TYR: variants seen among roughly 807,000 people sequenced by gnomAD.
TYR encodes tyrosinase, also known as LB24-AB.
Under a neutral mutation model 51.5 loss-of-function variants are expected in TYR, and 58 were observed. The observed-to-expected ratio is 1.13, with a 90% CI of 0.91 to 1.40. The LOEUF is 1.40. TYR is among the 40% of genes most tolerant of loss of function. The pLI, the probability that TYR is intolerant of heterozygous loss-of-function variation, is 0.00. For synonymous variants in TYR, 263 were observed against 235.2 expected, an observed-to-expected ratio of 1.12 and a Z score of -1.08; for missense variants, 732 against 647.4, an observed-to-expected ratio of 1.13 and a Z score of -1.42.
intron 3 of TYR, among the ~76,000 whole-genome samples, chr11:89,238,538 G>A (rs999099376): frequency 6.6e-6 from 1 of 152,044 alleles, no homozygotes; most frequent in South Asian, 2.1e-4. Context: ...TGCAAACCGG[G>A]ACCATTTAAT....
At chr11:89,287,815 A>G (rs1490311265) in intron 4 of TYR, among the ~76,000 whole-genome samples, 1 of 151,988 alleles carries the variant, frequency 6.6e-6, no homozygotes, top group Non-Finnish European at 1.5e-5. Context: ...TGAAAATGCT[A>G]TTATAAGAGT....
chr11:89,184,119 C>T (rs1236578051), intron 1 of TYR, among the ~76,000 whole-genome samples: 1 of 152,040 alleles, frequency 6.6e-6, no homozygotes, highest in Non-Finnish European at 1.5e-5. Flanking sequence ...CTCCTGTATG[C>T]AGTGTAAAGA....
chr11:89,243,005 G>A (rs1197425194), intron 3 of TYR, among the ~76,000 whole-genome samples: 1 of 152,168 alleles, frequency 6.6e-6, no homozygotes, highest in African/African-American at 2.4e-5. Context: ...CGTGTTGGAA[G>A]TATTTTAAAT....
chr11:89,180,696 C>G (rs1565387706), intron 1 of TYR, among the ~76,000 whole-genome samples: 1 of 152,058 alleles, frequency 6.6e-6, no homozygotes, highest in Non-Finnish European at 1.5e-5. Context: ...AGGAAGATGA[C>G]TGAAGAGAAA....
intron 3 of TYR, among the ~76,000 whole-genome samples, chr11:89,245,768 A>G (rs2135295052): frequency 6.6e-6 from 1 of 152,056 alleles, no homozygotes; most frequent in South Asian, 2.1e-4. Flanking sequence ...TAAAAATACA[A>G]AAAATTAGCT....
Position 89,202,431 on chromosome 11 carries a change from G to A in TYR, c.1036+11013G>A, listed in dbSNP as rs1943608861. On this transcript the variant is annotated intron_variant, in intron 2 of 4. Transcript: ENST00000263321. ...AAAATGAAGCAGTTTTTTTTTTATA[G>A]TAAATAGTAGGTCATTGTGTTTCCC... Among the ~76,000 whole-genome samples the A allele has an allele frequency of 2.0e-5, 3 of 151,872 alleles. No individual in the cohort carries two copies. In the South Asian group the frequency reaches 6.2e-4, roughly 32 times the overall value.
intron 3 of TYR, among the ~76,000 whole-genome samples, chr11:89,260,984 T>C (rs1373598556): frequency 6.6e-6 from 1 of 152,082 alleles, no homozygotes; most frequent in Non-Finnish European, 1.5e-5. Flanking sequence ...ACATTCCTTA[T>C]GAGAATCTAA....
At chr11:89,270,783 T>C (rs1366923172) in intron 3 of TYR, among the ~76,000 whole-genome samples, 3 of 151,936 alleles carry the variant, frequency 2.0e-5, no homozygotes, top group African/African-American at 4.8e-5. Context: ...ATTTTATATA[T>C]GATTTATGAG....
chr11:89,193,870 T>TTC lies in TYR; in HGVS notation c.1036+2467_1036+2468dup, dbSNP rs10547762. 6.6e-5 allele frequency among the ~76,000 whole-genome samples: 10 copies of TTC among 151,542 alleles called. No homozygotes were observed. In the South Asian group the frequency reaches 1.0e-3, roughly 16 times the overall value. On this transcript the variant is annotated intron_variant, in intron 2 of 4. Transcript: ENST00000263321. ...CAAACTTACTTACATTGTATCCTGT[T>TTC]TCTCTCTCTCTCTCTCCCAGTCTGA...
chr11:89,281,017 G>A (rs1378619215), intron 3 of TYR, among the ~76,000 whole-genome samples: 2 of 151,654 alleles, frequency 1.3e-5, no homozygotes, highest in South Asian at 2.1e-4. Context: ...GAGATTTGTT[G>A]GATGCTGGTA....
At chr11:89,281,001 A>G (rs1355776352) in intron 3 of TYR, among the ~76,000 whole-genome samples, 4 of 151,706 alleles carry the variant, frequency 2.6e-5, no homozygotes, top group Non-Finnish European at 5.9e-5. Context: ...CACTGTTGTT[A>G]TACTGGAGAT....
At chr11:89,207,785 C>A (rs1215101563) in intron 2 of TYR, among the ~76,000 whole-genome samples, 1 of 152,064 alleles carries the variant, frequency 6.6e-6, no homozygotes, top group Non-Finnish European at 1.5e-5. Flanking sequence ...TCCAAAAATA[C>A]CAAACTGCTT....
intron 4 of TYR, among the ~76,000 whole-genome samples, chr11:89,285,571 C>T (rs890005738): frequency 7.9e-5 from 12 of 151,902 alleles, no homozygotes; most frequent in Non-Finnish European, 1.6e-4. Context: ...AATCTTCCTG[C>T]ATAGAACCAT....
At chr11:89,210,810 A>C (rs1049217960) in intron 2 of TYR, among the ~76,000 whole-genome samples, 1 of 152,216 alleles carries the variant, frequency 6.6e-6, no homozygotes, top group Non-Finnish European at 1.5e-5. Flanking sequence ...GGGGGTCAAT[A>C]TTCAACATTC....
chr11:89,179,833 T>C (rs1254932029), intron 1 of TYR, among the ~76,000 whole-genome samples: 1 of 152,232 alleles, frequency 6.6e-6, no homozygotes, highest in African/African-American at 2.4e-5. Context: ...ATGTGCTTAA[T>C]TATTTATCAT....
In TYR at chr11:89,286,166, G is replaced by A. The variant is rs375339569; in HGVS notation, c.1366+1212G>A. ...TGAAGAGAAAGCCATGACTTTTGAA[G>A]GGTTCAACCTAAAAAGAGAAAACAA... On this transcript the variant is annotated intron_variant, in intron 4 of 4. Transcript: ENST00000263321. Among the ~76,000 whole-genome samples, 161 of 151,906 alleles carry A rather than the reference G, an allele frequency of 1.1e-3. 1 individual carries two copies. The highest frequency in any genetic ancestry group is 3.7e-3 in the African/African-American group (154 of 41,482).
In TYR at chr11:89,295,225, G is replaced by A. The variant is rs1257732373; in HGVS notation, c.1449G>A (p.Met483Ile). Residue 483 changes from methionine (M) to isoleucine (I), a missense_variant, in exon 5 of 5, where the codon ATG becomes ATA. Coordinates refer to ENST00000263321, the MANE Select transcript of TYR (RefSeq NM_000372.5). ...GGTCATGGCTCCTTGGGGCGGCGAT[G>A]GTAGGGGCCGTCCTCACTGCCCTGC... ...RIWSWLLGAA[M>I]VGAVLTALLA... 3.1e-6 allele frequency: 5 copies of A among 1,613,902 alleles called. No homozygotes were observed. In the African/African-American group the frequency reaches 4.0e-5, roughly 13 times the overall value.
In TYR at chr11:89,254,837, A is replaced by G. The variant is rs751811632; in HGVS notation, c.1184+26867A>G. 2.2e-4 allele frequency among the ~76,000 whole-genome samples: 34 copies of G among 151,398 alleles called. 1 individual carries two copies. The highest frequency in any genetic ancestry group is 3.0e-4 in the Non-Finnish European group (20 of 67,598). ...CAATTTCATTTAGTCCTGCTGTGAT[A>G]TTGGTTATTTCTTTTGCTGGGTTTG... On this transcript the variant is annotated intron_variant, in intron 3 of 4. Transcript: ENST00000263321.
chr11:89,214,100 C>G (rs1057349935), intron 2 of TYR, among the ~76,000 whole-genome samples: 1 of 152,160 alleles, frequency 6.6e-6, no homozygotes, highest in East Asian at 1.9e-4. Flanking sequence ...TCCAATTAAA[C>G]TATAGATGGT....
Sources: gnomAD v4.1 joint callset for allele counts (sites outside exome capture counted in the v4.1 genomes callset) on GRCh38, gnomAD v4.1.1 for gene constraint, MANE v1.5 for transcripts, NCBI Gene and HGNC (gene_info 2026-07-23, HGNC 2026-07-21) for gene names.